Variants in ZNF407 observed in about 807,000 individuals in gnomAD.
ZNF407 encodes the protein zinc finger protein 407.
A neutral mutation model predicts 131.2 loss-of-function variants in ZNF407; 17 were observed. The ratio of observed to expected loss-of-function variants is 0.13; its 90% CI spans 0.09 to 0.19. The LOEUF is 0.19. Ranked by LOEUF, ZNF407 falls within the 10% of genes least tolerant of loss-of-function variation. The pLI is 1.00. For synonymous variants in ZNF407, 1,156 were observed against 1,062.0 expected, an observed-to-expected ratio of 1.09 and a Z score of -1.72; for missense variants, 2,681 against 2,830.6, an observed-to-expected ratio of 0.95 and a Z score of 1.20.
At chr18:74,663,711 G>C (rs1408189450) in intron 3 of ZNF407, among the ~76,000 whole-genome samples, 2 of 152,154 alleles carry the variant, frequency 1.3e-5, no homozygotes, top group African/African-American at 4.8e-5. Context: ...CAGCTAATTA[G>C]AGACCGTACC....
At chr18:75,028,794 C>T (rs778307599) in intron 8 of ZNF407, among the ~76,000 whole-genome samples, 4 of 152,178 alleles carry the variant, frequency 2.6e-5, no homozygotes, top group Non-Finnish European at 5.9e-5. Flanking sequence ...TATAGACATA[C>T]GTTGTTAAAG....
chr18:74,914,992 A>T (rs1971727232), intron 7 of ZNF407, among the ~76,000 whole-genome samples: 1 of 152,236 alleles, frequency 6.6e-6, no homozygotes, highest in African/African-American at 2.4e-5. Context: ...TTCTTGTTAA[A>T]GTATACATGT....
At chr18:74,737,065 A>G (rs560886056) in intron 3 of ZNF407, among the ~76,000 whole-genome samples, 2 of 152,338 alleles carry the variant, frequency 1.3e-5, no homozygotes, top group Non-Finnish European at 2.9e-5. Context: ...GAAAAAGTAG[A>G]CAGTTTTTTC....
At chr18:74,997,962 C>G (rs1045567714) in intron 8 of ZNF407, among the ~76,000 whole-genome samples, 1 of 152,088 alleles carries the variant, frequency 6.6e-6, no homozygotes, top group African/African-American at 2.4e-5. Context: ...ACACTTGTAC[C>G]CTGTGTGGAG....
chr18:74,947,366 C>T (rs1972165028), intron 8 of ZNF407, among the ~76,000 whole-genome samples: 1 of 152,136 alleles, frequency 6.6e-6, no homozygotes, highest in Admixed American at 6.5e-5. Context: ...TTCCATGCCA[C>T]CTTCAGCTGA....
chr18:74,756,133 G>T (rs1968957362), intron 3 of ZNF407, among the ~76,000 whole-genome samples: 1 of 151,362 alleles, frequency 6.6e-6, no homozygotes, highest in Non-Finnish European at 1.5e-5. Flanking sequence ...ACCTCATGAT[G>T]TGCTCACGTC....
At chr18:74,820,786 A>G (rs922300632) in intron 4 of ZNF407, among the ~76,000 whole-genome samples, 6 of 152,146 alleles carry the variant, frequency 3.9e-5, no homozygotes, top group Non-Finnish European at 1.5e-5. Flanking sequence ...AGTCTTAGGA[A>G]CAGAAGTCTA....
intron 8 of ZNF407, chr18:75,060,176 C>T (rs1973609008): frequency 6.6e-6 from 1 of 152,238 alleles, no homozygotes; most frequent in African/African-American, 2.4e-5. Context: ...CCGGCAGCCC[C>T]GTTTAATGCT....
In ZNF407 at chr18:75,048,178, T is replaced by G. The variant is rs970676221; in HGVS notation, c.5429-14972T>G. On this transcript the variant is annotated intron_variant, in intron 8 of 8. Transcript: ENST00000299687. The surrounding 1 kb of genome is among the most constrained non-coding windows in gnomAD (Gnocchi z 4.1). Reference sequence around the variant, plus strand: ...CTGTCAGCAGCACCAGGCCTGTGCCTCGTCTCCCGGTGACCTGTACAGACA... The same window carrying G: ...CTGTCAGCAGCACCAGGCCTGTGCCGCGTCTCCCGGTGACCTGTACAGACA... 1.3e-5 allele frequency among the ~76,000 whole-genome samples: 2 copies of G among 152,248 alleles called. No individual in the cohort carries two copies. Among genetic ancestry groups the G allele is most frequent in the Non-Finnish European group, 2.9e-5 (2 of 68,042 alleles).
intron 3 of ZNF407, among the ~76,000 whole-genome samples, chr18:74,730,435 C>G (rs1968268264): frequency 6.6e-6 from 1 of 152,176 alleles, no homozygotes. Context: ...ACTTTTCCTC[C>G]TGACTGGAGA....
intron 8 of ZNF407, among the ~76,000 whole-genome samples, chr18:75,031,791 A>G (rs1973243302): frequency 1.3e-5 from 2 of 152,232 alleles, no homozygotes; most frequent in South Asian, 4.1e-4. Flanking sequence ...GTAATGTTCC[A>G]GGAATTGTGG....
At chr18:75,032,278 T>A (rs940886095) in intron 8 of ZNF407, among the ~76,000 whole-genome samples, 4 of 152,172 alleles carry the variant, frequency 2.6e-5, no homozygotes, top group African/African-American at 7.2e-5. Context: ...ATAACACAGT[T>A]GCTTCCCAGA....
chr18:74,643,544 A>G (rs1180128724), intron 3 of ZNF407, among the ~76,000 whole-genome samples: 1 of 151,934 alleles, frequency 6.6e-6, no homozygotes, highest in Admixed American at 6.6e-5. Flanking sequence ...TTAATAATAT[A>G]AAAAAATTGG....
chr18:74,764,824 A>G (rs1234551793), intron 3 of ZNF407, among the ~76,000 whole-genome samples: 2 of 152,216 alleles, frequency 1.3e-5, no homozygotes, highest in African/African-American at 4.8e-5. Context: ...TAAATATTGT[A>G]TATATTACTC....
chr18:74,709,667 G>A (rs1334250477), intron 3 of ZNF407, among the ~76,000 whole-genome samples: 3 of 152,126 alleles, frequency 2.0e-5, no homozygotes, highest in African/African-American at 7.2e-5. Context: ...ATACTGTGCC[G>A]CACTTGAATG....
intron 4 of ZNF407, among the ~76,000 whole-genome samples, chr18:74,818,319 T>C (rs545800770): frequency 1.6e-4 from 24 of 152,358 alleles, no homozygotes; most frequent in African/African-American, 5.5e-4. Flanking sequence ...TCATATTTGA[T>C]TTATTAAAAT....
chr18:74,655,607 T>G (rs920695621), intron 3 of ZNF407, among the ~76,000 whole-genome samples: 1 of 152,156 alleles, frequency 6.6e-6, no homozygotes, highest in African/African-American at 2.4e-5. Context: ...GGGTTTTGCA[T>G]GCAACAAAAA....
intron 3 of ZNF407, among the ~76,000 whole-genome samples, chr18:74,741,407 A>G (rs1351532205): frequency 3.3e-5 from 5 of 152,152 alleles, no homozygotes; most frequent in Non-Finnish European, 7.4e-5. Context: ...AATAATTTGG[A>G]TAATCATATA....
chr18:74,626,465 A>G (rs1244750189), intron 1 of ZNF407, among the ~76,000 whole-genome samples: 2 of 152,216 alleles, frequency 1.3e-5, no homozygotes, highest in African/African-American at 2.4e-5. Context: ...ATGATCACGT[A>G]TGGCCTTGTA....
Sources: allele counts gnomAD v4.1 joint callset (sites outside exome capture counted in the v4.1 genomes callset), GRCh38; gene constraint gnomAD v4.1.1; non-coding constraint Gnocchi (gnomAD v3.1); transcripts MANE v1.5; gene names NCBI Gene and HGNC (gene_info 2026-07-23, HGNC 2026-07-21).